The following ZNF267 variants were observed in gnomAD, a reference collection of about 807,000 sequenced individuals.
The protein encoded by ZNF267 is zinc finger (C2H2).
Under a neutral mutation model 71.6 loss-of-function variants are expected in ZNF267, and 61 were observed. The ratio of observed to expected loss-of-function variants is 0.85; its 90% CI spans 0.69 to 1.05. ZNF267 has a LOEUF of 1.05. Among genes scored for constraint, ZNF267 ranks in the 50% least tolerant of loss-of-function variants. ZNF267 has a pLI of 0.00. For missense variants in ZNF267, 852 were observed against 870.0 expected (o/e 0.98, Z 0.26); for synonymous variants, 288 against 293.2 (o/e 0.98, Z 0.18).
intron 1 of ZNF267, chr16:31,875,368 C>G (rs1183626679): frequency 3.4e-5 from 42 of 1,224,720 alleles, no homozygotes; most frequent in Non-Finnish European, 4.3e-5. Flanking sequence ...TCTCCTGGGA[C>G]ACCCTTAACC....
chr16:31,876,155 G>A (rs1369478664), intron 1 of ZNF267, among the ~76,000 whole-genome samples: 1 of 152,086 alleles, frequency 6.6e-6, no homozygotes, highest in Non-Finnish European at 1.5e-5. Flanking sequence ...TTTTTGTAGG[G>A]TGAAGAAGTT....
At chr16:31,882,446 A>G (rs1406457434) in intron 1 of ZNF267, among the ~76,000 whole-genome samples, 1 of 152,232 alleles carries the variant, frequency 6.6e-6, no homozygotes, top group African/African-American at 2.4e-5. Context: ...TAATGGGTCT[A>G]GGAGGAGCAA....
intron 3 of ZNF267, among the ~76,000 whole-genome samples, chr16:31,896,350 A>G (rs1265712535): frequency 1.3e-5 from 2 of 152,150 alleles, no homozygotes; most frequent in Non-Finnish European, 2.9e-5. Context: ...AATATTTTCC[A>G]AGTCTGTACT....
intron 3 of ZNF267, among the ~76,000 whole-genome samples, chr16:31,906,506 C>T (rs1036368282): frequency 1.3e-5 from 2 of 152,192 alleles, no homozygotes; most frequent in African/African-American, 2.4e-5. Flanking sequence ...CTTGCTGCCA[C>T]CTTGCAGTTT....
rs527565952 is a variant in ZNF267 at position 31,873,948 on chromosome 16, G to T, written c.-19G>T. 6.2e-7 allele frequency: 1 copy of T among 1,613,648 alleles called. No homozygotes were observed. The highest frequency in any genetic ancestry group is 1.1e-5 in the South Asian group (1 of 91,026). ...GGAGATTCGTAGCTAAGACGCCAGG[G>T]CATCCCGGAAGCTGGGAAATGGTGA... On this transcript the variant is annotated 5_prime_UTR_variant, in exon 1 of 4. Coordinates refer to ENST00000300870, the MANE Select transcript of ZNF267 (RefSeq NM_003414.6).
intron 3 of ZNF267, among the ~76,000 whole-genome samples, chr16:31,906,630 C>T (rs578108358): frequency 3.9e-5 from 6 of 152,260 alleles, no homozygotes; most frequent in South Asian, 4.1e-4. Context: ...ATTGGAAAAG[C>T]GCTGTATTAG....
chr16:31,892,769 A>G (rs762699544), intron 3 of ZNF267, among the ~76,000 whole-genome samples: 1 of 152,266 alleles, frequency 6.6e-6, no homozygotes, highest in Non-Finnish European at 1.5e-5. Context: ...CATCCAGGTC[A>G]TGCTGATGCA....
chr16:31,890,020 G>A (rs1466155775), intron 3 of ZNF267, among the ~76,000 whole-genome samples: 1 of 152,112 alleles, frequency 6.6e-6, no homozygotes, highest in Non-Finnish European at 1.5e-5. Flanking sequence ...AATTTAAAAA[G>A]ACTTGTTTTC....
intron 3 of ZNF267, among the ~76,000 whole-genome samples, chr16:31,893,185 T>C (rs574444773): frequency 6.6e-6 from 1 of 152,262 alleles, no homozygotes. Context: ...TGCCAAGGCT[T>C]GGGGCTTGCA....
At chr16:31,900,178 A>G (rs1182095772) in intron 3 of ZNF267, among the ~76,000 whole-genome samples, 1 of 152,052 alleles carries the variant, frequency 6.6e-6, no homozygotes, top group African/African-American at 2.4e-5. Flanking sequence ...AAAGAGAGCC[A>G]TACAGTCACA....
chr16:31,888,009 GATATTTTTCC>G (rs2083935527), intron 3 of ZNF267, among the ~76,000 whole-genome samples: 1 of 151,976 alleles, frequency 6.6e-6, no homozygotes, highest in African/African-American at 2.4e-5. Context: ...ATGAAGAAGG[GATATTTTTCC>G]ATTTGTGTCT....
intron 3 of ZNF267, among the ~76,000 whole-genome samples, chr16:31,895,648 G>A (rs927720993): frequency 1.4e-4 from 22 of 152,146 alleles, no homozygotes; most frequent in Admixed American, 5.9e-4. Flanking sequence ...ATTATGTTTT[G>A]TCTTTTTGAT....
Position 31,915,632 on chromosome 16 carries a change from A to G in ZNF267, c.1383A>G (p.Glu461=), listed in dbSNP as rs747939925. The change falls in exon 4 of 4, where the codon GAA becomes GAG. Residue 461 remains glutamate (E), a synonymous_variant. Transcript: ENST00000300870. ...LTQHQTTHTG[E]KLYKCKVCSK... is the part of the protein sequence containing the mutation. ...AACATCAGACAACTCATACAGGAGAAAAACTTTACAAATGTAAAGTATGTA... is the reference window on the plus strand; with the variant it reads ...AACATCAGACAACTCATACAGGAGAGAAACTTTACAAATGTAAAGTATGTA... 3.1e-6 allele frequency: 5 copies of G among 1,613,806 alleles called. No homozygotes were observed. The African/African-American group carries it at 6.7e-5, about 22-fold the overall frequency.
chr16:31,884,267 T>C (rs2083908953), intron 1 of ZNF267, among the ~76,000 whole-genome samples: 2 of 152,336 alleles, frequency 1.3e-5, no homozygotes, highest in South Asian at 2.1e-4. Flanking sequence ...TGCCTTAGTT[T>C]TATATTTTAC....
Position 31,915,603 on chromosome 16 carries a change from A to G in ZNF267, c.1354A>G (p.Thr452Ala). 1.2e-6 allele frequency: 2 copies of G among 1,613,834 alleles called. No individual in the cohort carries two copies. Among genetic ancestry groups the G allele is most frequent in the Non-Finnish European group, 8.5e-7 (1 of 1,179,966 alleles). ...AGCTTTTAACCGTAGTTCATGCCTT[A>G]CTCAACATCAGACAACTCATACAGG... Reference protein sequence around the residue: ...GKAFNRSSCLTQHQTTHTGEK... With the variant: ...GKAFNRSSCLAQHQTTHTGEK... Residue 452 changes from threonine to alanine, a missense_variant, in exon 4 of 4, where the codon ACT becomes GCT. Physicochemically the swap from Thr to Ala is moderately conservative, Grantham distance 58 (BLOSUM62 0). Transcript: ENST00000300870.
intron 1 of ZNF267, among the ~76,000 whole-genome samples, chr16:31,883,714 A>G (rs1009253850): frequency 1.3e-5 from 2 of 152,242 alleles, no homozygotes; most frequent in African/African-American, 2.4e-5. Flanking sequence ...TATATTGTGC[A>G]TGTTCAAAAA....
chr16:31,878,171 C>A (rs2083865387), intron 1 of ZNF267, among the ~76,000 whole-genome samples: 1 of 152,154 alleles, frequency 6.6e-6, no homozygotes. Context: ...CATTTGATGT[C>A]AGAAGACAGA....
chr16:31,884,350 T>C, intron 1 of ZNF267, 148 bp from the exon 2 acceptor site: 1 of 942,956 alleles, frequency 1.1e-6, no homozygotes, highest in African/African-American at 1.7e-5. Context: ...GAGACTACAT[T>C]AGAAAATATT....
rs35042804 is a variant in ZNF267, at chr16:31,914,821, A to G, written c.572A>G (p.Asp191Gly). 1,378 of 1,611,404 alleles carry G rather than the reference A, an allele frequency of 8.6e-4. 7 individuals are homozygous for G. The African/African-American group carries it at 0.017, about 20-fold the overall frequency. ...IDIWGKHHIY[D>G]KTSVLFRQVS... ...ATTTGGGGAAAACATCACATATATG[A>G]TAAAACTTCAGTGTTATTTAGGCAG... Residue 191 changes from aspartate (D) to glycine (G), a missense_variant, in exon 4 of 4, where the codon GAT (aspartate) becomes GGT (glycine). Asp to Gly is a moderately conservative substitution (Grantham distance 94). Coordinates refer to ENST00000300870, the MANE Select transcript of ZNF267 (RefSeq NM_003414.6).
Sources: gnomAD v4.1 joint callset for allele counts (sites outside exome capture counted in the v4.1 genomes callset) on GRCh38, gnomAD v4.1.1 for gene constraint, MANE v1.5 for transcripts, NCBI Gene and HGNC (gene_info 2026-07-23, HGNC 2026-07-21) for gene names.